STAMBP: variants seen among roughly 807,000 people sequenced by gnomAD.
STAMBP encodes STAM-binding protein.
STAMBP carries 31 observed loss-of-function variants against 50.7 expected under a neutral mutation model. The ratio of observed to expected loss-of-function variants is 0.61; its 90% CI spans 0.46 to 0.83. STAMBP has a LOEUF of 0.83. Among genes scored for constraint, STAMBP ranks in the 40% least tolerant of loss-of-function variants. The probability of loss-of-function intolerance (pLI) is 0.00; values close to 1 mark genes in which losing one functional copy is unlikely to be tolerated. For synonymous variants in STAMBP, 211 were observed against 192.4 expected, an observed-to-expected ratio of 1.10 and a Z score of -0.80; for missense variants, 472 against 518.9, an observed-to-expected ratio of 0.91 and a Z score of 0.88.
At chr2:73,858,315 T>G (rs1199402270) in intron 7 of STAMBP, among the ~76,000 whole-genome samples, 2 of 151,870 alleles carry the variant, frequency 1.3e-5, no homozygotes, top group African/African-American at 4.8e-5. Context: ...ACTTTTGTAT[T>G]TTTAAGAGAG....
chr2:73,846,713 G>A (rs1676111698), intron 4 of STAMBP, among the ~76,000 whole-genome samples: 1 of 151,890 alleles, frequency 6.6e-6, no homozygotes, highest in Non-Finnish European at 1.5e-5. Flanking sequence ...TTGAAATATA[G>A]AATATGTACA....
chr2:73,861,596 G>A (rs1678326901), intron 9 of STAMBP, among the ~76,000 whole-genome samples: 1 of 151,878 alleles, frequency 6.6e-6, no homozygotes, highest in Non-Finnish European at 1.5e-5. Flanking sequence ...TCAGCTCACT[G>A]CAGCCTCTGC....
chr2:73,829,797 G>A (rs1673678703), intron 1 of STAMBP, among the ~76,000 whole-genome samples: 1 of 152,200 alleles, frequency 6.6e-6, no homozygotes, highest in South Asian at 2.1e-4. Context: ...GGGAAGAGTT[G>A]TAGTAGAAAA....
intron 7 of STAMBP, among the ~76,000 whole-genome samples, chr2:73,852,926 G>GTGTGTGTT (rs1228168747): frequency 1.3e-4 from 15 of 119,826 alleles, no homozygotes; most frequent in Non-Finnish European, 1.8e-4. Flanking sequence ...AGGTGTGTGT[G>GTGTGTGTT]TGTGTGTGTG....
downstream of STAMBP, among the ~76,000 whole-genome samples, chr2:73,869,487 T>C (rs935983747): frequency 1.3e-5 from 2 of 152,190 alleles, no homozygotes; most frequent in African/African-American, 4.8e-5. Flanking sequence ...GCAAGTCTGC[T>C]AAAAAGTATC....
downstream of STAMBP, among the ~76,000 whole-genome samples, chr2:73,868,070 G>T (rs1679032842): frequency 6.6e-6 from 1 of 150,408 alleles, no homozygotes; most frequent in South Asian, 2.1e-4. Context: ...GTTGTGGTGA[G>T]CCGAGATCAC....
At chr2:73,832,108 T>TATATATATATATATATATATACACACAC (rs1006072205) in intron 2 of STAMBP, among the ~76,000 whole-genome samples, 3 of 122,896 alleles carry the variant, frequency 2.4e-5, no homozygotes, top group African/African-American at 1.1e-4. Context: ...TATATATATA[T>TATATATATATATATATATATACACACAC]ACACATATAT....
chr2:73,855,269 C>A (rs1457467349), intron 7 of STAMBP, among the ~76,000 whole-genome samples: 1 of 152,180 alleles, frequency 6.6e-6, no homozygotes, highest in Non-Finnish European at 1.5e-5. Context: ...CATTCACCCT[C>A]CTTGCTCATT....
At chr2:73,842,527 T>C (rs1169735688) in intron 2 of STAMBP, among the ~76,000 whole-genome samples, 1 of 152,246 alleles carries the variant, frequency 6.6e-6, no homozygotes, top group Non-Finnish European at 1.5e-5. Flanking sequence ...TTTATAAGTC[T>C]TTCTTAAATG....
At chr2:73,833,376 G>A (rs528884712) in intron 2 of STAMBP, among the ~76,000 whole-genome samples, 1 of 152,260 alleles carries the variant, frequency 6.6e-6, no homozygotes, top group Non-Finnish European at 1.5e-5. Flanking sequence ...GTCATGTCAT[G>A]TGGCCTCAAT....
At chr2:73,844,742 G>T in intron 2 of STAMBP, 71 bp from the exon 3 acceptor site, 1 of 1,310,372 alleles carries the variant, frequency 7.6e-7, no homozygotes, top group Non-Finnish European at 1.1e-6. Context: ...GGATAAGGGG[G>T]TTGCATAGCT....
In STAMBP at chr2:73,850,606, C is replaced by T. The variant is rs901693111; in HGVS notation, c.1005+93C>T. On this transcript the variant is annotated intron_variant, in intron 7 of 9. Coordinates refer to ENST00000394070, the MANE Select transcript of STAMBP (RefSeq NM_213622.4). This position sits in a 1 kb window ranked among gnomAD's most constrained non-coding sequence, Gnocchi z 4.3. ...TTTCTTTGAACAAAGTCAATTATAT[C>T]CAGATTATTTATTGTTTTTCTCTCT... The T allele has an allele frequency of 9.7e-6, 13 of 1,345,576 alleles. No individual in the cohort carries two copies. Among genetic ancestry groups the T allele is most frequent in the Non-Finnish European group, 1.2e-5 (12 of 1,002,324 alleles). 83.4% of individuals were successfully genotyped at this position (1,345,576 alleles called of 1,614,324 possible). A position where few individuals can be genotyped will look rare whatever the true frequency, so the allele number is the denominator to read the frequency against.
intron 7 of STAMBP, among the ~76,000 whole-genome samples, chr2:73,854,484 A>AGAT (rs1414940619): frequency 6.6e-6 from 1 of 152,158 alleles, no homozygotes; most frequent in Non-Finnish European, 1.5e-5. Flanking sequence ...TTATTTTTTG[A>AGAT]GATGAGGTCT....
intron 2 of STAMBP, among the ~76,000 whole-genome samples, chr2:73,844,092 C>G (rs1287358771): frequency 6.6e-6 from 1 of 152,160 alleles, no homozygotes; most frequent in African/African-American, 2.4e-5. Flanking sequence ...TTCACTGCCC[C>G]TAAGTAGATG....
intron 4 of STAMBP, among the ~76,000 whole-genome samples, chr2:73,846,715 A>C (rs1676112071): frequency 6.6e-6 from 1 of 152,156 alleles, no homozygotes; most frequent in African/African-American, 2.4e-5. Context: ...GAAATATAGA[A>C]TATGTACATG....
At position 73,852,268 on chromosome 2, in the gene STAMBP, A is replaced by G. The variant is rs1317724335; in HGVS notation, c.1005+1755A>G. On this transcript the variant is annotated intron_variant, in intron 7 of 9. Transcript: ENST00000394070. ...AATAGAGGATGATGACTCAGAGTCA[A>G]TGGTGACTCAGAGATTTGGGGCCTT... 7.2e-5 allele frequency among the ~76,000 whole-genome samples: 11 copies of G among 152,282 alleles called. No individual in the cohort carries two copies. In the East Asian group the frequency reaches 1.4e-3, roughly 19 times the overall value.
At chr2:73,853,615 G>A (rs777458375) in intron 7 of STAMBP, among the ~76,000 whole-genome samples, 6 of 152,132 alleles carry the variant, frequency 3.9e-5, no homozygotes, top group African/African-American at 9.7e-5. Context: ...CCAGCTACTC[G>A]AGAGGCTGAG....
At position 73,849,392 on chromosome 2, in the gene STAMBP, G is replaced by A. The variant is rs1430701249; in HGVS notation, c.772G>A (p.Val258Met). 1.9e-6 allele frequency: 3 copies of A among 1,613,988 alleles called. No homozygotes were observed. The highest frequency in any genetic ancestry group is 2.7e-5 in the African/African-American group (2 of 74,890). The part of the protein sequence containing the change: ...IPTIDGLRHV[V>M]VPGRLCPQFL... ...CACAATCGATGGATTGCGCCATGTG[G>A]TGGTGCCTGGGCGGCTGTGCCCACA... Residue 258 changes from valine to methionine, a missense_variant, in exon 6 of 10, where the codon GTG (valine) becomes ATG (methionine). By Grantham distance (21) the Val-to-Met change is conservative. Coordinates refer to ENST00000394070, the MANE Select transcript of STAMBP (RefSeq NM_213622.4).
Position 73,850,320 on chromosome 2 carries a change from G to T in STAMBP, c.868-56G>T. On this transcript the variant is annotated intron_variant, in intron 6 of 9. Coordinates refer to ENST00000394070, the MANE Select transcript of STAMBP (RefSeq NM_213622.4). This position sits in a 1 kb window ranked among gnomAD's most constrained non-coding sequence, Gnocchi z 4.3. Reference sequence around the variant, plus strand: ...ACCTTTCCACTGTCGGGATGGAGTGGAGCAGGGTTGCATGAGCACCAGGGA... The same window carrying T: ...ACCTTTCCACTGTCGGGATGGAGTGTAGCAGGGTTGCATGAGCACCAGGGA... The T allele has an allele frequency of 6.4e-7, 1 of 1,568,730 alleles. No homozygotes were observed. The highest frequency in any genetic ancestry group is 1.2e-5 in the South Asian group (1 of 82,440).
Sources: gnomAD v4.1 joint callset for allele counts (sites outside exome capture counted in the v4.1 genomes callset) on GRCh38, gnomAD v4.1.1 for gene constraint, Gnocchi (gnomAD v3.1) non-coding constraint, MANE v1.5 for transcripts, NCBI Gene and HGNC (gene_info 2026-07-23, HGNC 2026-07-21) for gene names.